The following RBFOX1 variants were observed in gnomAD, a reference collection of about 807,000 sequenced individuals.
RBFOX1 encodes RNA binding protein fox-1 homolog 1.
RBFOX1 carries 8 observed loss-of-function variants against 57.7 expected under a neutral mutation model. The ratio of observed to expected loss-of-function variants is 0.14; its 90% confidence interval spans 0.08 to 0.25. RBFOX1 has a LOEUF of 0.25. RBFOX1 is among the 10% of genes least tolerant of loss of function. The pLI, the probability that RBFOX1 is intolerant of heterozygous loss-of-function variation, is 1.00. For missense variants in RBFOX1, 611 were observed against 548.5 expected (o/e 1.11, Z -1.14); for synonymous variants, 326 against 222.4 (o/e 1.47, Z -4.15).
At chr16:5,940,906 G>T (rs1247675025) in intron 4 of RBFOX1, among the ~76,000 whole-genome samples, 2 of 152,152 alleles carry the variant, frequency 1.3e-5, no homozygotes, top group African/African-American at 4.8e-5. Flanking sequence ...AAGGAGCTGA[G>T]GTCTTGATTT....
At chr16:7,135,692 A>T (rs1043992677) in intron 4 of RBFOX1, among the ~76,000 whole-genome samples, 7 of 152,256 alleles carry the variant, frequency 4.6e-5, no homozygotes, top group African/African-American at 1.7e-4. Context: ...CCAACAAGAG[A>T]TAAGGCCTAA....
At chr16:6,967,641 AGT>A (rs1185400534) in intron 3 of RBFOX1, among the ~76,000 whole-genome samples, 1 of 151,990 alleles carries the variant, frequency 6.6e-6, no homozygotes, top group Admixed American at 6.6e-5. Context: ...TGAACAGCGA[AGT>A]GTGTGTTCAG....
chr16:6,511,303 G>C (rs893360162), intron 2 of RBFOX1, among the ~76,000 whole-genome samples: 1 of 152,150 alleles, frequency 6.6e-6, no homozygotes, highest in African/African-American at 2.4e-5. Flanking sequence ...GTTCACTTTG[G>C]CTTGACACAT....
chr16:6,467,236 A>C lies in RBFOX1; in HGVS notation c.-64+150179A>C, dbSNP rs28629887. Among the ~76,000 whole-genome samples the C allele has an allele frequency of 2.9e-3, 440 of 151,586 alleles. 1 individual carries two copies. Among genetic ancestry groups the C allele is most frequent in the African/African-American group, 0.01 (430 of 41,472 alleles). ...TGTAATATAATAAAGTTTTCTTAATATATTAATTACAGTTAATGTAATATA... is the reference window on the plus strand; with the variant it reads ...TGTAATATAATAAAGTTTTCTTAATCTATTAATTACAGTTAATGTAATATA... On this transcript the variant is annotated intron_variant, in intron 2 of 15. Transcript: ENST00000550418.
intron 4 of RBFOX1, among the ~76,000 whole-genome samples, chr16:5,995,897 T>G (rs2060482172): frequency 6.6e-6 from 1 of 152,172 alleles, no homozygotes; most frequent in Admixed American, 6.5e-5. Context: ...TTTCTCACAG[T>G]TCTGAGGGCT....
chr16:5,955,331 TAAAATAAAATAAAATAAAATAAATAA>T lies in RBFOX1; in HGVS notation c.351+88000_351+88025del, dbSNP rs1487114434. Among the ~76,000 whole-genome samples the T allele has an allele frequency of 1.1e-3, 50 of 45,776 alleles. 3 individuals carry two copies. The highest frequency in any genetic ancestry group is 5.2e-3 in the African/African-American group (48 of 9,278). The allele number at this position is 45,776 out of a possible 152,430, so 30.0% of individuals were successfully genotyped here. On this transcript the variant is annotated intron_variant, in intron 4 of 19. Transcript: ENST00000641259. ...TAAAATAAAATAAAATAAAATAAAA[TAAAATAAAATAAAATAAAATAAATAA>T]AAATAAAATAAAATAAAATAAAATA...
intron 2 of RBFOX1, among the ~76,000 whole-genome samples, chr16:6,574,431 T>TA (rs1262794502): frequency 4.3e-5 from 6 of 140,828 alleles, no homozygotes; most frequent in Non-Finnish European, 9.3e-5. Context: ...TCTATTTTTT[T>TA]TTTTTTTTTT....
intron 3 of RBFOX1, among the ~76,000 whole-genome samples, chr16:6,963,604 A>C (rs1461469034): frequency 6.6e-6 from 1 of 152,166 alleles, no homozygotes; most frequent in Non-Finnish European, 1.5e-5. Flanking sequence ...TAGAAAAGCA[A>C]AACTGTGGGG....
intron 3 of RBFOX1, among the ~76,000 whole-genome samples, chr16:7,006,777 A>G (rs79672546): frequency 0.022 from 3,296 of 152,282 alleles, 76 homozygotes; most frequent in East Asian, 0.11. Flanking sequence ...AGTAAACCCT[A>G]TGCAGAAGAG....
intron 4 of RBFOX1, among the ~76,000 whole-genome samples, chr16:5,966,518 C>T (rs1233457841): frequency 6.6e-6 from 1 of 152,146 alleles, no homozygotes; most frequent in Admixed American, 6.5e-5. Context: ...AGCGCAATGG[C>T]GCGTTCTCGG....
At chr16:6,025,073 CAT>C (rs2152369579) in intron 1 of RBFOX1, among the ~76,000 whole-genome samples, 1 of 152,244 alleles carries the variant, frequency 6.6e-6, no homozygotes, top group Non-Finnish European at 1.5e-5. Context: ...AATGGGAAAC[CAT>C]TGGGGGATTT....
At chr16:6,736,900 A>G (rs1294313648) in intron 3 of RBFOX1, among the ~76,000 whole-genome samples, 1 of 152,204 alleles carries the variant, frequency 6.6e-6, no homozygotes, top group Non-Finnish European at 1.5e-5. Flanking sequence ...GTATAGACTT[A>G]GCAGGGAGGA....
chr16:6,449,482 G>T (rs2094548391), intron 2 of RBFOX1, among the ~76,000 whole-genome samples: 1 of 152,180 alleles, frequency 6.6e-6, no homozygotes, highest in African/African-American at 2.4e-5. Context: ...GTTTTCTGTT[G>T]ATGGAGTCTA....
chr16:7,025,797 T>C, intron 3 of RBFOX1, among the ~76,000 whole-genome samples: 1 of 152,072 alleles, frequency 6.6e-6, no homozygotes, highest in East Asian at 1.9e-4. Context: ...CAGATGGCGC[T>C]GCAGGGATTC....
At position 6,573,005 on chromosome 16, in the gene RBFOX1, A is replaced by G. The variant is rs1310556616; in HGVS notation, c.-63-81598A>G. On this transcript the variant is annotated intron_variant, in intron 2 of 15. Transcript: ENST00000550418. ...ACCTTGAACTCAAGTCTAGTCAGGGATCACTCTATTAAGAGATCAAGTCAA... is the reference window on the plus strand; with the variant it reads ...ACCTTGAACTCAAGTCTAGTCAGGGGTCACTCTATTAAGAGATCAAGTCAA... Among the ~76,000 whole-genome samples the G allele has an allele frequency of 2.6e-5, 4 of 152,292 alleles. No individual in the cohort carries two copies. The South Asian group carries it at 6.2e-4, about 24-fold the overall frequency.
chr16:7,402,541 C>G (rs1030818741), intron 4 of RBFOX1, among the ~76,000 whole-genome samples: 1 of 152,180 alleles, frequency 6.6e-6, no homozygotes, highest in African/African-American at 2.4e-5. Flanking sequence ...TGGGAACAGA[C>G]TTCAAAGTAT....
chr16:6,191,224 C>T (rs2097139839), intron 1 of RBFOX1, among the ~76,000 whole-genome samples: 1 of 147,974 alleles, frequency 6.8e-6, no homozygotes, highest in African/African-American at 2.5e-5. Context: ...GCAGTATTTT[C>T]AAGCGGTGTT....
At chr16:6,492,323 A>G (rs2095651154) in intron 2 of RBFOX1, among the ~76,000 whole-genome samples, 1 of 152,212 alleles carries the variant, frequency 6.6e-6, no homozygotes. Context: ...GTAATCCAAC[A>G]CTTTGGGAGG....
intron 1 of RBFOX1, among the ~76,000 whole-genome samples, chr16:6,285,761 G>A (rs1223157910): frequency 1.3e-5 from 2 of 152,088 alleles, no homozygotes; most frequent in Non-Finnish European, 2.9e-5. Context: ...TGGATTGTAG[G>A]TAGACTCTGT....
Sources: allele counts gnomAD v4.1 joint callset (sites outside exome capture counted in the v4.1 genomes callset), GRCh38; gene constraint gnomAD v4.1.1; transcripts MANE v1.5; gene names NCBI Gene and HGNC (gene_info 2026-07-23, HGNC 2026-07-21).